Variants in CSMD1 observed in about 807,000 individuals in gnomAD.
CSMD1 encodes the protein CUB and sushi domain-containing protein 1.
CSMD1 carries 213 observed loss-of-function variants against 417.5 expected under a neutral mutation model. The ratio of observed to expected loss-of-function variants is 0.51; its 90% CI spans 0.46 to 0.57. CSMD1 has a LOEUF of 0.57. Among genes scored for constraint, CSMD1 ranks in the 20% least tolerant of loss-of-function variants. CSMD1 has a pLI of 0.00. For missense variants in CSMD1, 6,923 were observed against 4,529.7 expected (o/e 1.53, Z -15.17); for synonymous variants, 2,862 against 1,736.8 (o/e 1.65, Z -16.11).
At chr8:4,574,095 G>A (rs529565953) in intron 2 of CSMD1, among the ~76,000 whole-genome samples, 1 of 152,176 alleles carries the variant, frequency 6.6e-6, no homozygotes, top group African/African-American at 2.4e-5. Context: ...AGACCACTTG[G>A]CTCCCTGGCT....
intron 23 of CSMD1, among the ~76,000 whole-genome samples, chr8:3,339,393 G>A (rs536263178): frequency 1.8e-4 from 28 of 152,120 alleles, no homozygotes; most frequent in Non-Finnish European, 3.4e-4. Context: ...GCCAAGGGTA[G>A]GGGGGTTGCC....
intron 2 of CSMD1, 50 bp downstream of exon 2, chr8:4,637,292 T>G (rs777555914): frequency 7.2e-6 from 10 of 1,394,142 alleles, no homozygotes; most frequent in Non-Finnish European, 1.0e-5. Context: ...GATTTCATAA[T>G]CTGTGTATTC....
intron 3 of CSMD1, among the ~76,000 whole-genome samples, chr8:4,167,321 G>T (rs1356009297): frequency 6.6e-6 from 1 of 152,146 alleles, no homozygotes; most frequent in Non-Finnish European, 1.5e-5. Context: ...ACGTAACTTA[G>T]AGGTATCTAA....
chr8:3,490,803 G>C (rs1411242835), intron 11 of CSMD1, among the ~76,000 whole-genome samples: 2 of 152,136 alleles, frequency 1.3e-5, no homozygotes, highest in Non-Finnish European at 2.9e-5. Context: ...GATCGCCTTA[G>C]AAGCTTGCCC....
chr8:4,005,874 G>T (rs529839922), intron 4 of CSMD1, among the ~76,000 whole-genome samples: 1 of 152,316 alleles, frequency 6.6e-6, no homozygotes, highest in South Asian at 2.1e-4. Context: ...CCATGAACAG[G>T]AGCTGGCTGC....
At chr8:4,968,181 T>C (rs954865165) in intron 1 of CSMD1, among the ~76,000 whole-genome samples, 15 of 152,168 alleles carry the variant, frequency 9.9e-5, no homozygotes, top group African/African-American at 3.6e-4. Flanking sequence ...GATAATTTTT[T>C]CCAGATAATT....
chr8:3,246,025 C>T (rs542359521), intron 26 of CSMD1, among the ~76,000 whole-genome samples: 2 of 152,070 alleles, frequency 1.3e-5, no homozygotes, highest in African/African-American at 4.8e-5. Flanking sequence ...TTTATTTCCC[C>T]CAACGCACTT....
chr8:4,148,407 T>C (rs372109985), intron 3 of CSMD1, among the ~76,000 whole-genome samples: 4 of 149,934 alleles, frequency 2.7e-5, no homozygotes, highest in East Asian at 2.0e-4. Context: ...TTAGGAGATA[T>C]ACCTAATGTT....
intron 26 of CSMD1, among the ~76,000 whole-genome samples, chr8:3,257,620 G>T (rs561425557): frequency 6.6e-6 from 1 of 152,140 alleles, no homozygotes; most frequent in Non-Finnish European, 1.5e-5. Context: ...CATATTTTAA[G>T]ATAGAGACAG....
intron 7 of CSMD1, among the ~76,000 whole-genome samples, chr8:3,676,193 T>G (rs1799366072): frequency 6.6e-6 from 1 of 152,246 alleles, no homozygotes; most frequent in South Asian, 2.1e-4. Flanking sequence ...TCTCCTCGTT[T>G]GTCCATACTG....
chr8:4,052,606 A>G (rs1798490235), intron 3 of CSMD1, among the ~76,000 whole-genome samples: 1 of 152,176 alleles, frequency 6.6e-6, no homozygotes, highest in African/African-American at 2.4e-5. Context: ...ATATAATTTA[A>G]GTATTTAGAC....
At chr8:4,700,379 G>A (rs919677405) in intron 1 of CSMD1, among the ~76,000 whole-genome samples, 1 of 151,848 alleles carries the variant, frequency 6.6e-6, no homozygotes, top group African/African-American at 2.4e-5. Flanking sequence ...TTATCAACCT[G>A]ATCATTTGCT....
intron 3 of CSMD1, among the ~76,000 whole-genome samples, chr8:4,039,477 G>A (rs940151995): frequency 1.3e-5 from 2 of 152,098 alleles, no homozygotes; most frequent in Non-Finnish European, 2.9e-5. Context: ...TCTCTTTACT[G>A]GCTCTCTGAA....
chr8:3,366,750 AG>A (rs1431290751), intron 20 of CSMD1, among the ~76,000 whole-genome samples: 2 of 152,312 alleles, frequency 1.3e-5, no homozygotes, highest in East Asian at 3.9e-4. Flanking sequence ...TCGAGTGAGA[AG>A]GGCTTTGCAG....
intron 52 of CSMD1, among the ~76,000 whole-genome samples, chr8:3,005,999 A>G (rs957101275): frequency 7.2e-5 from 11 of 152,286 alleles, no homozygotes; most frequent in African/African-American, 2.2e-4. Context: ...TTGGCAGACG[A>G]CATGATTGTA....
At chr8:4,436,664 C>A (rs1798166269) in intron 2 of CSMD1, among the ~76,000 whole-genome samples, 1 of 152,126 alleles carries the variant, frequency 6.6e-6, no homozygotes, top group African/African-American at 2.4e-5. Context: ...CCACCTCCTT[C>A]CTTCACTCCT....
chr8:4,366,707 A>T (rs545800021), intron 3 of CSMD1, among the ~76,000 whole-genome samples: 1 of 148,892 alleles, frequency 6.7e-6, no homozygotes, highest in African/African-American at 2.5e-5. Flanking sequence ...TTTTTCTTTT[A>T]TTTTATTATT....
chr8:4,734,604 A>G (rs1810107976), intron 1 of CSMD1, among the ~76,000 whole-genome samples: 1 of 152,314 alleles, frequency 6.6e-6, no homozygotes. Flanking sequence ...AAATACAACT[A>G]TACTGTATAA....
At chr8:4,602,548 G>C (rs1450674359) in intron 2 of CSMD1, among the ~76,000 whole-genome samples, 1 of 152,158 alleles carries the variant, frequency 6.6e-6, no homozygotes, top group Non-Finnish European at 1.5e-5. Context: ...GGTCATTATA[G>C]TCATTGAGAC....
Sources: allele counts gnomAD v4.1 joint callset (sites outside exome capture counted in the v4.1 genomes callset), GRCh38; gene constraint gnomAD v4.1.1; transcripts MANE v1.5; gene names NCBI Gene and HGNC (gene_info 2026-07-23, HGNC 2026-07-21).